MAP2K6: variants seen among roughly 807,000 people sequenced by gnomAD.
MAP2K6 encodes the protein dual specificity mitogen-activated protein kinase kinase 6.
Under a neutral mutation model 53.7 loss-of-function variants are expected in MAP2K6, and 16 were observed. That is an observed-to-expected ratio of 0.30 (90% CI 0.20 to 0.45). MAP2K6 has a LOEUF of 0.45. MAP2K6 is among the 20% of genes least tolerant of loss of function. The pLI, the probability that MAP2K6 is intolerant of heterozygous loss-of-function variation, is 1.00. For missense variants in MAP2K6, 204 were observed against 411.9 expected, an observed-to-expected ratio of 0.50 and a Z score of 4.37; for synonymous variants, 132 against 143.1, an observed-to-expected ratio of 0.92 and a Z score of 0.55.
At chr17:69,520,441 G>A in intron 6 of MAP2K6, 55 bp downstream of exon 6, 2 of 1,057,282 alleles carry the variant, frequency 1.9e-6, no homozygotes, top group South Asian at 1.4e-5. Context: ...AAGTCCCTAT[G>A]TGTCTTTGGA....
chr17:69,476,260 T>G (rs1908146062), intron 1 of MAP2K6, among the ~76,000 whole-genome samples: 1 of 152,220 alleles, frequency 6.6e-6, no homozygotes, highest in South Asian at 2.1e-4. Context: ...CCAATAACAA[T>G]GAGAACACCT....
At chr17:69,451,731 AG>A (rs928864696) in intron 1 of MAP2K6, among the ~76,000 whole-genome samples, 2 of 152,174 alleles carry the variant, frequency 1.3e-5, no homozygotes, top group African/African-American at 4.8e-5. Context: ...CAGAGAGGTC[AG>A]GCCTTTATAC....
intron 1 of MAP2K6, among the ~76,000 whole-genome samples, chr17:69,469,598 C>T (rs1475369522): frequency 4.0e-5 from 6 of 151,824 alleles, no homozygotes; most frequent in South Asian, 2.1e-4. Context: ...CTGGTTTCTA[C>T]GAAAAATACA....
At chr17:69,531,924 G>T (rs1032714396) in intron 10 of MAP2K6, among the ~76,000 whole-genome samples, 1 of 152,124 alleles carries the variant, frequency 6.6e-6, no homozygotes, top group Non-Finnish European at 1.5e-5. Flanking sequence ...AAACGAGTTC[G>T]CAAAAGATTG....
chr17:69,465,302 T>C (rs1907758966), intron 1 of MAP2K6, among the ~76,000 whole-genome samples: 2 of 152,070 alleles, frequency 1.3e-5, no homozygotes, highest in Non-Finnish European at 2.9e-5. Context: ...TACTATGCTC[T>C]ATAAATCTAT....
At chr17:69,484,050 A>G (rs1414147910) in intron 1 of MAP2K6, among the ~76,000 whole-genome samples, 1 of 152,134 alleles carries the variant, frequency 6.6e-6, no homozygotes, top group Non-Finnish European at 1.5e-5. Flanking sequence ...TCTTAGATAT[A>G]ATAGCAAAAC....
intron 4 of MAP2K6, among the ~76,000 whole-genome samples, chr17:69,518,441 T>G (rs1910287823): frequency 6.6e-6 from 1 of 152,096 alleles, no homozygotes; most frequent in African/African-American, 2.4e-5. Context: ...GGAGAGAAAA[T>G]TGTCTCCATT....
chr17:69,490,373 T>C (rs755312564), intron 1 of MAP2K6, among the ~76,000 whole-genome samples: 3 of 152,208 alleles, frequency 2.0e-5, no homozygotes, highest in Non-Finnish European at 4.4e-5. Flanking sequence ...TAGATGTTTC[T>C]TGAGTCCAGG....
chr17:69,461,229 A>G (rs1907613993), intron 1 of MAP2K6, among the ~76,000 whole-genome samples: 1 of 152,006 alleles, frequency 6.6e-6, no homozygotes, highest in Admixed American at 6.6e-5. Flanking sequence ...TTGAAAGAAA[A>G]CTCTCATGAC....
intron 1 of MAP2K6, among the ~76,000 whole-genome samples, chr17:69,486,152 A>G (rs1367648426): frequency 6.6e-6 from 1 of 152,136 alleles, no homozygotes; most frequent in African/African-American, 2.4e-5. Context: ...AGGAGAAGGC[A>G]TTTTCTAAAT....
intron 1 of MAP2K6, among the ~76,000 whole-genome samples, chr17:69,484,201 A>G (rs1228265220): frequency 6.6e-6 from 1 of 152,098 alleles, no homozygotes; most frequent in South Asian, 2.1e-4. Context: ...CTGATAAAGG[A>G]CCTGTATGTA....
rs897091593 is a variant in MAP2K6, at chr17:69,463,490, G to GCA, written c.17-42277_17-42276dup. Among the ~76,000 whole-genome samples the GCA allele has an allele frequency of 6.1e-5, 9 of 146,706 alleles. 1 individual carries two copies. In the East Asian group the frequency reaches 7.9e-4, roughly 13 times the overall value. ...TGTGTATATATATACACACATATAT[G>GCA]CACACACACACACATATGTATATAT... On this transcript the variant is annotated intron_variant, in intron 1 of 11. Coordinates refer to ENST00000590474, the MANE Select transcript of MAP2K6 (RefSeq NM_002758.4).
At chr17:69,425,984 C>A (rs1014190904) in intron 1 of MAP2K6, among the ~76,000 whole-genome samples, 1 of 151,820 alleles carries the variant, frequency 6.6e-6, no homozygotes, top group Non-Finnish European at 1.5e-5. Flanking sequence ...AAAAAAAAAT[C>A]ACAAACTCTG....
At chr17:69,445,501 T>C (rs2145152056) in intron 1 of MAP2K6, among the ~76,000 whole-genome samples, 1 of 152,336 alleles carries the variant, frequency 6.6e-6, no homozygotes, top group South Asian at 2.1e-4. Flanking sequence ...TGTTGTTTGG[T>C]TCATATTAAA....
At chr17:69,465,608 A>G (rs1371226955) in intron 1 of MAP2K6, among the ~76,000 whole-genome samples, 1 of 139,132 alleles carries the variant, frequency 7.2e-6, no homozygotes, top group African/African-American at 2.8e-5. Flanking sequence ...CTTCCTGGTG[A>G]TGTTTTGTTT....
rs1031929485 is a variant in MAP2K6, at chr17:69,548,620, C to T, written c.*6867C>T. On this transcript the variant is annotated 3_prime_UTR_variant, in exon 12 of 12. Transcript: ENST00000590474. Reference sequence around the variant, plus strand: ...AGCAACTTACCTAAAAGAATGTTTGCTCTTCACCTAGGGAAATAAAACCTG... The same window carrying T: ...AGCAACTTACCTAAAAGAATGTTTGTTCTTCACCTAGGGAAATAAAACCTG... The T allele has an allele frequency of 5.3e-5, 8 of 152,152 alleles. No homozygotes were observed. The highest frequency in any genetic ancestry group is 5.2e-4 in the Admixed American group (8 of 15,260). 9.4% of individuals were successfully genotyped at this position (152,152 alleles called of 1,614,324 possible).
chr17:69,462,423 T>G (rs768815090), intron 1 of MAP2K6, among the ~76,000 whole-genome samples: 1 of 152,062 alleles, frequency 6.6e-6, no homozygotes, highest in Non-Finnish European at 1.5e-5. Context: ...CCATCTACGT[T>G]TTCCTCTAGA....
At chr17:69,421,640 G>A (rs998473752) in intron 1 of MAP2K6, among the ~76,000 whole-genome samples, 1 of 151,566 alleles carries the variant, frequency 6.6e-6, no homozygotes, top group Non-Finnish European at 1.5e-5. Context: ...CTGGGTTCAC[G>A]CCATTCTCCT....
intron 1 of MAP2K6, among the ~76,000 whole-genome samples, chr17:69,447,621 C>T (rs1470713404): frequency 6.6e-6 from 1 of 152,222 alleles, no homozygotes; most frequent in East Asian, 1.9e-4. Flanking sequence ...GCTGGGATTA[C>T]AGGCGTGAGC....
Sources: allele counts gnomAD v4.1 joint callset (sites outside exome capture counted in the v4.1 genomes callset), GRCh38; gene constraint gnomAD v4.1.1; transcripts MANE v1.5; gene names NCBI Gene and HGNC (gene_info 2026-07-23, HGNC 2026-07-21).